Variants in GPBP1 observed in about 807,000 individuals in gnomAD.
GPBP1 encodes the protein vasculin.
GPBP1 carries 13 observed loss-of-function variants against 56.5 expected under a neutral mutation model. That is an observed-to-expected ratio of 0.23 (90% CI 0.15 to 0.37). GPBP1 has a LOEUF of 0.37. Ranked by LOEUF, GPBP1 falls within the 10% of genes least tolerant of loss-of-function variation. GPBP1 has a pLI of 1.00. For missense variants in GPBP1, 477 were observed against 572.3 expected, an observed-to-expected ratio of 0.83 and a Z score of 1.70; for synonymous variants, 204 against 188.9, an observed-to-expected ratio of 1.08 and a Z score of -0.66.
intron 2 of GPBP1, among the ~76,000 whole-genome samples, chr5:57,180,346 C>G (rs939457396): frequency 6.6e-6 from 1 of 152,026 alleles, no homozygotes; most frequent in Non-Finnish European, 1.5e-5. Flanking sequence ...GAACTCCTGA[C>G]CTCAGGTCAG....
chr5:57,248,267 A>G (rs1234024678), intron 8 of GPBP1, among the ~76,000 whole-genome samples: 1 of 152,104 alleles, frequency 6.6e-6, no homozygotes, highest in African/African-American at 2.4e-5. Context: ...AGTACCTGGT[A>G]GTTCAGGTAT....
At chr5:57,238,572 ATAAAT>A (rs1740655692) in intron 6 of GPBP1, among the ~76,000 whole-genome samples, 1 of 152,148 alleles carries the variant, frequency 6.6e-6, no homozygotes, top group Non-Finnish European at 1.5e-5. Context: ...AAATAAATAA[ATAAAT>A]AAATAAATTA....
intron 2 of GPBP1, among the ~76,000 whole-genome samples, chr5:57,193,368 C>T (rs973848940): frequency 4.6e-5 from 7 of 151,852 alleles, no homozygotes; most frequent in South Asian, 2.1e-4. Context: ...TAATCCAGCA[C>T]TTTGGGAAGT....
intron 3 of GPBP1, among the ~76,000 whole-genome samples, chr5:57,223,779 TTATA>T (rs1465396084): frequency 4.0e-5 from 6 of 149,000 alleles, no homozygotes; most frequent in Non-Finnish European, 3.0e-5. Flanking sequence ...TATTTTAAAA[TTATA>T]TATATAATTT....
chr5:57,195,757 C>T (rs1264068852), intron 2 of GPBP1, among the ~76,000 whole-genome samples: 1 of 151,888 alleles, frequency 6.6e-6, no homozygotes, highest in East Asian at 1.9e-4. Flanking sequence ...AATCCCAACA[C>T]TTTGGGAGGC....
chr5:57,187,290 T>G (rs1754333666), intron 2 of GPBP1, among the ~76,000 whole-genome samples: 1 of 152,172 alleles, frequency 6.6e-6, no homozygotes, highest in Non-Finnish European at 1.5e-5. Flanking sequence ...TAATTCATAC[T>G]TGAGCATACT....
intron 2 of GPBP1, among the ~76,000 whole-genome samples, chr5:57,193,847 AAAG>A (rs1754635211): frequency 6.6e-6 from 1 of 152,180 alleles, no homozygotes. Flanking sequence ...TCAGACTAAA[AAAG>A]ATTTAAAATT....
At chr5:57,261,144 A>G (rs559789855) in intron 10 of GPBP1, 36 bp from the exon 11 acceptor site, 2 of 1,283,636 alleles carry the variant, frequency 1.6e-6, no homozygotes, top group African/African-American at 1.5e-5. Context: ...ACTCAGGGTA[A>G]GCTTTACATT....
chr5:57,214,221 C>G, intron 3 of GPBP1, 28 bp downstream of exon 3: 2 of 1,520,160 alleles, frequency 1.3e-6, no homozygotes, highest in Non-Finnish European at 1.8e-6. Context: ...TTCTTTCTGT[C>G]TGCTTCTCTT....
At chr5:57,256,451 ATACTTTTCTTTTATATT>A (rs1741667542) in intron 10 of GPBP1, among the ~76,000 whole-genome samples, 1 of 152,070 alleles carries the variant, frequency 6.6e-6, no homozygotes, top group African/African-American at 2.4e-5. Context: ...AAAACAGTGG[ATACTTTTCTTTTATATT>A]TAGGTTACTT....
chr5:57,228,905 A>C (rs1756316024), intron 3 of GPBP1, among the ~76,000 whole-genome samples: 1 of 152,004 alleles, frequency 6.6e-6, no homozygotes, highest in Non-Finnish European at 1.5e-5. Flanking sequence ...GCAAGCATAT[A>C]TGTATGTGTA....
At chr5:57,261,492 A>G (rs1741890906) in intron 11 of GPBP1, among the ~76,000 whole-genome samples, 1 of 152,076 alleles carries the variant, frequency 6.6e-6, no homozygotes, top group South Asian at 2.1e-4. Context: ...CTCCAACCTT[A>G]GCCTCTGGAG....
intron 2 of GPBP1, among the ~76,000 whole-genome samples, chr5:57,179,713 C>T (rs1311648567): frequency 6.6e-6 from 1 of 151,784 alleles, no homozygotes; most frequent in African/African-American, 2.4e-5. Context: ...TTCTCCTGCC[C>T]CTTCAGCCTC....
chr5:57,194,976 T>C (rs779303084), intron 2 of GPBP1, among the ~76,000 whole-genome samples: 5 of 152,302 alleles, frequency 3.3e-5, no homozygotes, highest in Non-Finnish European at 5.9e-5. Context: ...AATACAGATA[T>C]CTTTTCCATA....
chr5:57,219,204 C>T (rs1164030682), intron 3 of GPBP1, among the ~76,000 whole-genome samples: 1 of 151,526 alleles, frequency 6.6e-6, no homozygotes, highest in Non-Finnish European at 1.5e-5. Context: ...GGTGAAACCC[C>T]GTTTCTACTA....
chr5:57,181,240 C>T (rs531500036), intron 2 of GPBP1, among the ~76,000 whole-genome samples: 1 of 152,084 alleles, frequency 6.6e-6, no homozygotes, highest in Admixed American at 6.6e-5. Flanking sequence ...AAGGCTGAGG[C>T]AGGAGGACTG....
chr5:57,188,723 A>G (rs1754395233), intron 2 of GPBP1, among the ~76,000 whole-genome samples: 1 of 152,166 alleles, frequency 6.6e-6, no homozygotes, highest in Admixed American at 6.6e-5. Context: ...AGCCTGGGCG[A>G]CAGAGCGAGA....
At chr5:57,259,178 G>T (rs1741786024) in intron 10 of GPBP1, among the ~76,000 whole-genome samples, 1 of 152,210 alleles carries the variant, frequency 6.6e-6, no homozygotes, top group African/African-American at 2.4e-5. Context: ...AAGGTGCTGT[G>T]CAATACATAC....
chr5:57,199,450 A>G (rs1238845201), intron 2 of GPBP1, among the ~76,000 whole-genome samples: 1 of 152,164 alleles, frequency 6.6e-6, no homozygotes, highest in African/African-American at 2.4e-5. Context: ...TAGCCCTGGA[A>G]AGGAAATTGG....
Sources: gnomAD v4.1 joint callset for allele counts (sites outside exome capture counted in the v4.1 genomes callset) on GRCh38, gnomAD v4.1.1 for gene constraint, MANE v1.5 for transcripts, NCBI Gene and HGNC (gene_info 2026-07-23, HGNC 2026-07-21) for gene names.